The following RANBP17 variants were observed in gnomAD, a reference collection of about 807,000 sequenced individuals.
The protein encoded by RANBP17 is ran-binding protein 17.
RANBP17 carries 158 observed loss-of-function variants against 141.2 expected under a neutral mutation model. That is an observed-to-expected ratio of 1.12 (90% confidence interval 0.98 to 1.28). The LOEUF (loss-of-function observed/expected upper bound fraction) is 1.28, where lower values mean the gene tolerates loss of function less well. Among genes scored for constraint, RANBP17 ranks in the 50% most tolerant of loss-of-function variants. RANBP17 has a pLI of 0.00. For synonymous variants in RANBP17, 430 were observed against 450.0 expected (o/e 0.96, Z 0.56); for missense variants, 1,438 against 1,290.7 (o/e 1.11, Z -1.75).
At chr5:171,115,429 C>G (rs955292601) in intron 14 of RANBP17, among the ~76,000 whole-genome samples, 5 of 152,174 alleles carry the variant, frequency 3.3e-5, no homozygotes, top group Non-Finnish European at 7.3e-5. Context: ...GACACAGAGA[C>G]TGTTCACTCT....
intron 18 of RANBP17, among the ~76,000 whole-genome samples, chr5:171,185,909 C>T (rs1419422877): frequency 6.6e-6 from 1 of 152,224 alleles, no homozygotes; most frequent in Non-Finnish European, 1.5e-5. Context: ...CTATCTGTGG[C>T]AGCCTAGAGC....
chr5:171,226,345 C>T (rs1763876980), intron 22 of RANBP17, among the ~76,000 whole-genome samples: 1 of 152,036 alleles, frequency 6.6e-6, no homozygotes, highest in African/African-American at 2.4e-5. Context: ...TGATTGTTTT[C>T]ATAAGACTGG....
At chr5:171,192,461 A>G (rs545949862) in intron 18 of RANBP17, among the ~76,000 whole-genome samples, 31 of 152,274 alleles carry the variant, frequency 2.0e-4, no homozygotes, top group African/African-American at 7.0e-4. Flanking sequence ...ATGGGTAGCT[A>G]TAGTCTGCAG....
At chr5:171,115,136 A>G (rs111495473) in intron 14 of RANBP17, among the ~76,000 whole-genome samples, 57 of 152,142 alleles carry the variant, frequency 3.7e-4, no homozygotes, top group African/African-American at 1.3e-3. Context: ...ATGTTAGGGG[A>G]GATAAAAAAA....
Position 171,019,218 on chromosome 5 carries a change from CT to C in RANBP17, c.1710+50846del, listed in dbSNP as rs200535721. ...ATCAGAGATATTGGCCTGAAATTTT[CT>C]TTTTATGTCATGTGTCTTCCCGGCT... is the stretch of plus-strand genomic sequence containing the variant. On this transcript the variant is annotated intron_variant, in intron 14 of 27. Transcript: ENST00000523189. Among the ~76,000 whole-genome samples the C allele has an allele frequency of 1.4e-3, 213 of 152,204 alleles. 6 individuals carry two copies. In the East Asian group the frequency reaches 0.03, roughly 21 times the overall value.
intron 7 of RANBP17, among the ~76,000 whole-genome samples, chr5:170,913,146 C>G (rs950437709): frequency 6.6e-6 from 1 of 151,888 alleles, no homozygotes; most frequent in African/African-American, 2.4e-5. Flanking sequence ...TTCAGATATG[C>G]GAGTCCTTCC....
chr5:170,955,828 A>G (rs1486716861), intron 13 of RANBP17, among the ~76,000 whole-genome samples: 1 of 148,714 alleles, frequency 6.7e-6, no homozygotes. Context: ...GTATATATAT[A>G]TATATATATC....
At chr5:171,266,864 G>A (rs529590972) in intron 25 of RANBP17, among the ~76,000 whole-genome samples, 1 of 151,530 alleles carries the variant, frequency 6.6e-6, no homozygotes, top group Non-Finnish European at 1.5e-5. Flanking sequence ...AGTGAGCTGA[G>A]ATCACACCAC....
At chr5:171,104,453 G>C (rs1301677649) in intron 14 of RANBP17, among the ~76,000 whole-genome samples, 1 of 152,194 alleles carries the variant, frequency 6.6e-6, no homozygotes, top group Non-Finnish European at 1.5e-5. Flanking sequence ...TTCATGTAGA[G>C]GGTGAAATAT....
intron 3 of RANBP17, among the ~76,000 whole-genome samples, chr5:170,884,192 A>G (rs1768957281): frequency 6.6e-6 from 1 of 152,176 alleles, no homozygotes; most frequent in African/African-American, 2.4e-5. Flanking sequence ...CCCTGAGAAC[A>G]TATGATATAC....
chr5:170,961,533 A>T (rs1408051015), intron 13 of RANBP17, among the ~76,000 whole-genome samples: 6 of 152,198 alleles, frequency 3.9e-5, no homozygotes, highest in Admixed American at 2.6e-4. Flanking sequence ...CAAAAATCTG[A>T]AATTTGAAAT....
intron 1 of RANBP17, 132 bp downstream of exon 1, chr5:170,862,183 C>T (rs896193864): frequency 4.3e-6 from 4 of 932,786 alleles, no homozygotes; most frequent in Middle Eastern, 3.6e-4. Flanking sequence ...GAGTCCCAGC[C>T]CCTGCCTCTG....
Position 171,260,223 on chromosome 5 carries a change from C to CCCGG in RANBP17, c.2777-5457_2777-5454dup, listed in dbSNP as rs572919363. ...GGCTGAGGCAGGAGAATCGCTTGAA[C>CCCGG]CCGGGAGGTAGAGGTTGCAGTGAGC... On this transcript the variant is annotated intron_variant, in intron 24 of 27. Coordinates refer to ENST00000523189, the MANE Select transcript of RANBP17 (RefSeq NM_022897.5). Among the ~76,000 whole-genome samples the CCCGG allele has an allele frequency of 7.1e-3, 1,067 of 151,144 alleles. 12 individuals are homozygous for CCCGG. Among genetic ancestry groups the CCCGG allele is most frequent in the African/African-American group, 0.025 (1,009 of 41,090 alleles).
intron 24 of RANBP17, among the ~76,000 whole-genome samples, chr5:171,260,674 G>C (rs544705018): frequency 2.0e-5 from 3 of 152,126 alleles, no homozygotes; most frequent in Non-Finnish European, 2.9e-5. Context: ...TGATCAGAAA[G>C]CATTATATAC....
chr5:171,120,972 G>T (rs1438312112), intron 14 of RANBP17, among the ~76,000 whole-genome samples: 1 of 152,222 alleles, frequency 6.6e-6, no homozygotes, highest in African/African-American at 2.4e-5. Flanking sequence ...GGATGCAGCA[G>T]TGAATTCTGT....
chr5:171,166,098 T>TA (rs917398280), intron 14 of RANBP17, among the ~76,000 whole-genome samples: 87 of 152,228 alleles, frequency 5.7e-4, no homozygotes, highest in African/African-American at 2.1e-3. Context: ...CGTGAGATTT[T>TA]AAAAAAACAG....
chr5:171,286,642 CAG>C (rs1159760486), intron 25 of RANBP17, among the ~76,000 whole-genome samples: 1 of 152,106 alleles, frequency 6.6e-6, no homozygotes, highest in Non-Finnish European at 1.5e-5. Flanking sequence ...GAATAGCAGA[CAG>C]AGAGAACAAT....
chr5:170,876,705 A>G (rs1768210039), intron 1 of RANBP17, among the ~76,000 whole-genome samples: 1 of 152,100 alleles, frequency 6.6e-6, no homozygotes, highest in Non-Finnish European at 1.5e-5. Flanking sequence ...AGAGAAGTAA[A>G]AGGAATAATG....
intron 14 of RANBP17, among the ~76,000 whole-genome samples, chr5:171,088,396 T>C (rs1355031466): frequency 2.6e-5 from 4 of 152,160 alleles, no homozygotes; most frequent in Non-Finnish European, 4.4e-5. Flanking sequence ...GCCCTTAACA[T>C]TTTTTTCTGC....
Sources: gnomAD v4.1 joint callset for allele counts (sites outside exome capture counted in the v4.1 genomes callset) on GRCh38, gnomAD v4.1.1 for gene constraint, MANE v1.5 for transcripts, NCBI Gene and HGNC (gene_info 2026-07-23, HGNC 2026-07-21) for gene names.